Variants in LSAMP observed in about 807,000 individuals in gnomAD.
The protein encoded by LSAMP is limbic system-associated membrane protein.
LSAMP carries 7 observed loss-of-function variants against 38.6 expected under a neutral mutation model. That is an observed-to-expected ratio of 0.18 (90% CI 0.10 to 0.34). LSAMP has a LOEUF of 0.34. Ranked by LOEUF, LSAMP falls within the 10% of genes least tolerant of loss-of-function variation. The pLI is 1.00. For missense variants in LSAMP, 313 were observed against 420.0 expected (o/e 0.75, Z 2.23); for synonymous variants, 154 against 166.8 (o/e 0.92, Z 0.59).
At chr3:116,171,804 A>G (rs1710206701) in intron 1 of LSAMP, among the ~76,000 whole-genome samples, 1 of 151,948 alleles carries the variant, frequency 6.6e-6, no homozygotes, top group Non-Finnish European at 1.5e-5. Context: ...GAGAGGATCA[A>G]CTTTTAGACA....
intron 3 of LSAMP, among the ~76,000 whole-genome samples, chr3:115,947,481 A>G (rs1296220808): frequency 1.3e-5 from 2 of 152,146 alleles, no homozygotes; most frequent in Non-Finnish European, 2.9e-5. Context: ...GGTGAAACCT[A>G]TTTATGGTGA....
intron 1 of LSAMP, among the ~76,000 whole-genome samples, chr3:116,183,357 T>C (rs1710533376): frequency 6.6e-6 from 1 of 151,890 alleles, no homozygotes; most frequent in South Asian, 2.1e-4. Context: ...TGTTGAAAGA[T>C]ATGTACAAGT....
At chr3:115,977,670 G>T (rs969508658) in intron 3 of LSAMP, among the ~76,000 whole-genome samples, 1 of 148,646 alleles carries the variant, frequency 6.7e-6, no homozygotes, top group Non-Finnish European at 1.5e-5. Context: ...CCTCCTTATT[G>T]TCCAAGCTGG....
chr3:116,049,385 A>G (rs966548198), intron 2 of LSAMP, among the ~76,000 whole-genome samples: 2 of 152,210 alleles, frequency 1.3e-5, no homozygotes, highest in African/African-American at 4.8e-5. Context: ...CCCAGTGACA[A>G]TTAGTTGGGA....
At chr3:116,040,536 G>T (rs1019526084) in intron 2 of LSAMP, among the ~76,000 whole-genome samples, 1 of 152,142 alleles carries the variant, frequency 6.6e-6, no homozygotes, top group Non-Finnish European at 1.5e-5. Flanking sequence ...TATTCCATTG[G>T]TTGTTTCTCA....
At chr3:116,222,238 C>G (rs2046293867) in intron 1 of LSAMP, among the ~76,000 whole-genome samples, 1 of 150,270 alleles carries the variant, frequency 6.7e-6, no homozygotes, top group Non-Finnish European at 1.5e-5. Flanking sequence ...CTCACATATC[C>G]TATGATGTTA....
intron 3 of LSAMP, among the ~76,000 whole-genome samples, chr3:115,949,551 G>T (rs1223040886): frequency 6.6e-6 from 1 of 151,696 alleles, no homozygotes; most frequent in African/African-American, 2.4e-5. Context: ...ACTCTGAACA[G>T]ACAAATAACA....
intron 1 of LSAMP, among the ~76,000 whole-genome samples, chr3:116,163,624 T>C (rs1289919349): frequency 6.6e-6 from 1 of 152,092 alleles, no homozygotes; most frequent in Non-Finnish European, 1.5e-5. Flanking sequence ...ATGGTATTTC[T>C]AGTTCTAGAT....
At chr3:115,831,991 A>G (rs1455322054) in intron 6 of LSAMP, among the ~76,000 whole-genome samples, 1 of 152,168 alleles carries the variant, frequency 6.6e-6, no homozygotes, top group African/African-American at 2.4e-5. Context: ...ATCAAGCAAT[A>G]TGATGAAGGA....
intron 6 of LSAMP, chr3:115,834,523 A>T: frequency 7.9e-7 from 1 of 1,265,840 alleles, no homozygotes; most frequent in Non-Finnish European, 1.0e-6. Context: ...ATGGAGAATG[A>T]CCCAGGAAGA....
chr3:116,107,140 G>A (rs1024062781), intron 1 of LSAMP, among the ~76,000 whole-genome samples: 3 of 152,202 alleles, frequency 2.0e-5, no homozygotes, highest in South Asian at 2.1e-4. Context: ...AATATCAGGC[G>A]GATCAGAGAG....
chr3:116,024,613 A>T (rs1388742789), intron 2 of LSAMP, among the ~76,000 whole-genome samples: 1 of 152,110 alleles, frequency 6.6e-6, no homozygotes, highest in Admixed American at 6.5e-5. Flanking sequence ...GGAGAAATAG[A>T]TAGATAGATA....
At chr3:115,871,817 C>A (rs1388002055) in intron 3 of LSAMP, among the ~76,000 whole-genome samples, 1 of 152,074 alleles carries the variant, frequency 6.6e-6, no homozygotes, top group Non-Finnish European at 1.5e-5. Flanking sequence ...CTGAGTTATA[C>A]AAGCTAGAAA....
intron 1 of LSAMP, among the ~76,000 whole-genome samples, chr3:116,162,740 A>G (rs909062008): frequency 1.4e-5 from 2 of 141,652 alleles, no homozygotes; most frequent in African/African-American, 2.7e-5. Context: ...GTGTGTGTGT[A>G]TATATACATA....
At chr3:115,989,655 A>T (rs1157130158) in intron 3 of LSAMP, among the ~76,000 whole-genome samples, 1 of 151,970 alleles carries the variant, frequency 6.6e-6, no homozygotes, top group Non-Finnish European at 1.5e-5. Context: ...TAATCCAGGC[A>T]TGTTTTAGAA....
intron 2 of LSAMP, among the ~76,000 whole-genome samples, chr3:116,036,926 A>C (rs1016078744): frequency 3.9e-5 from 6 of 152,138 alleles, no homozygotes; most frequent in Non-Finnish European, 8.8e-5. Context: ...GGAATAAATG[A>C]GTCCTGGATA....
rs142149501 is a variant in LSAMP, at chr3:116,191,179, C to T, written c.156-104623G>A. Among the ~76,000 whole-genome samples, 179 of 152,160 alleles carry T rather than the reference C, an allele frequency of 1.2e-3. 3 individuals are homozygous for T. The East Asian group carries it at 0.025, about 22-fold the overall frequency. ...TGGAGCTTGCAGTGAGCCAAGATTG[C>T]GCCACTGCACTTCAGCCTGGGCAAT... On this transcript the variant is annotated intron_variant, in intron 1 of 6. Transcript: ENST00000490035.
intron 3 of LSAMP, among the ~76,000 whole-genome samples, chr3:115,936,351 ACTTCAGAAATTCAGAACAAAATAAATC>A (rs1427759631): frequency 6.6e-6 from 1 of 152,180 alleles, no homozygotes; most frequent in Non-Finnish European, 1.5e-5. Context: ...TGCCCCTGAC[ACTTCAGAAATTCAGAACAAAATAAATC>A]CTCAGCTTGA....
chr3:116,299,257 C>T (rs2047375051), intron 1 of LSAMP, among the ~76,000 whole-genome samples: 1 of 152,128 alleles, frequency 6.6e-6, no homozygotes, highest in Admixed American at 6.5e-5. Flanking sequence ...TATTGACATG[C>T]TAAAAGGTCA....
Sources: gnomAD v4.1 joint callset for allele counts (sites outside exome capture counted in the v4.1 genomes callset) on GRCh38, gnomAD v4.1.1 for gene constraint, MANE v1.5 for transcripts, NCBI Gene and HGNC (gene_info 2026-07-23, HGNC 2026-07-21) for gene names.